LINGO2: variants seen among roughly 807,000 people sequenced by gnomAD.
The protein encoded by LINGO2 is leucine rich repeat and Ig domain containing 2, also known as leucine-rich repeat and immunoglobulin-like domain-containing nogo receptor-interacting protein 2.
A neutral mutation model predicts 30.6 loss-of-function variants in LINGO2; 14 were observed. The observed-to-expected ratio is 0.46, with a 90% CI of 0.30 to 0.72. The LOEUF (loss-of-function observed/expected upper bound fraction) is 0.72. Among genes scored for constraint, LINGO2 ranks in the 30% least tolerant of loss-of-function variants. The pLI is 0.07. For missense variants in LINGO2, 729 were observed against 751.7 expected (o/e 0.97, Z 0.35); for synonymous variants, 317 against 288.5 (o/e 1.10, Z -1.00).
At chr9:29,065,570 G>C in the LINGO2 span, among the ~76,000 whole-genome samples, 1 of 152,118 alleles carries the variant, frequency 6.6e-6, no homozygotes, top group South Asian at 2.1e-4. Context: ...TCAAAGATCA[G>C]ATAGTTGTAG....
chr9:28,605,305 T>C (rs1233074883), intron 1 of LINGO2, among the ~76,000 whole-genome samples: 2 of 151,962 alleles, frequency 1.3e-5, no homozygotes, highest in Non-Finnish European at 2.9e-5. Flanking sequence ...ACTAGAAATT[T>C]TAAATCACAT....
At chr9:28,947,465 C>T in the LINGO2 span, among the ~76,000 whole-genome samples, 1 of 151,940 alleles carries the variant, frequency 6.6e-6, no homozygotes, top group Admixed American at 6.6e-5. Flanking sequence ...CCTCTTAAGG[C>T]TGTTATGATA....
chr9:28,387,336 G>C (rs1039243865), intron 2 of LINGO2, among the ~76,000 whole-genome samples: 1 of 152,130 alleles, frequency 6.6e-6, no homozygotes, highest in Non-Finnish European at 1.5e-5. Flanking sequence ...GGCGCTCTGT[G>C]TCTAGCTAAA....
chr9:28,507,943 T>C (rs992400422), intron 1 of LINGO2, among the ~76,000 whole-genome samples: 4 of 152,086 alleles, frequency 2.6e-5, no homozygotes, highest in Admixed American at 1.3e-4. Context: ...GAAGGGTTCA[T>C]TGTAAAGCCA....
the LINGO2 span, among the ~76,000 whole-genome samples, chr9:28,874,420 C>T: frequency 6.0e-3 from 909 of 152,106 alleles, 6 homozygotes; most frequent in African/African-American, 0.021. Flanking sequence ...ATTTACCAAA[C>T]ATTTGTTAAC....
the LINGO2 span, among the ~76,000 whole-genome samples, chr9:28,781,069 T>C: frequency 6.6e-6 from 1 of 152,142 alleles, no homozygotes; most frequent in Non-Finnish European, 1.5e-5. Flanking sequence ...CAAGTAATCT[T>C]AGAAGCCTTG....
intron 5 of LINGO2, among the ~76,000 whole-genome samples, chr9:27,952,813 T>C (rs1819382354): frequency 6.6e-6 from 1 of 152,068 alleles, no homozygotes; most frequent in African/African-American, 2.4e-5. Flanking sequence ...AATAATTTTA[T>C]AATATTAGAG....
At chr9:28,783,375 A>T in the LINGO2 span, among the ~76,000 whole-genome samples, 5 of 152,150 alleles carry the variant, frequency 3.3e-5, no homozygotes, top group South Asian at 1.0e-3. Context: ...ATGCTGTGTA[A>T]ATAGTTGTTA....
At chr9:28,417,871 T>A (rs953901868) in intron 2 of LINGO2, among the ~76,000 whole-genome samples, 5 of 152,176 alleles carry the variant, frequency 3.3e-5, no homozygotes, top group Non-Finnish European at 5.9e-5. Context: ...GAAAAATATA[T>A]AGCAAAAGGT....
chr9:29,141,257 A>G, the LINGO2 span, among the ~76,000 whole-genome samples: 1 of 151,998 alleles, frequency 6.6e-6, no homozygotes, highest in South Asian at 2.1e-4. Flanking sequence ...CCCTATATAA[A>G]TATGTAATTT....
chr9:28,273,323 A>G lies in LINGO2; in HGVS notation c.-87+21885T>C, dbSNP rs1315891528. On this transcript the variant is annotated intron_variant, in intron 4 of 5. Coordinates refer to ENST00000379992, the Ensembl canonical transcript of LINGO2. ...TGGTTTTATGGCTGTAGTATCCACC[A>G]AATCCTGCCAATGGCAAAAGCAAAG... Among the ~76,000 whole-genome samples, 8 of 152,344 alleles carry G rather than the reference A, an allele frequency of 5.3e-5. No individual in the cohort carries two copies. In the East Asian group the frequency reaches 1.2e-3, roughly 22 times the overall value.
intron 4 of LINGO2, among the ~76,000 whole-genome samples, chr9:28,103,898 G>C (rs1475745813): frequency 6.6e-6 from 1 of 152,152 alleles, no homozygotes; most frequent in Non-Finnish European, 1.5e-5. Flanking sequence ...CAATGAGGAA[G>C]TAGGGTGAAC....
chr9:28,335,782 T>A (rs930442624), intron 3 of LINGO2, among the ~76,000 whole-genome samples: 4 of 152,178 alleles, frequency 2.6e-5, no homozygotes, highest in Non-Finnish European at 5.9e-5. Context: ...ATATGAATTA[T>A]TGGCTGAGTA....
the LINGO2 span, among the ~76,000 whole-genome samples, chr9:28,953,891 A>G: frequency 6.6e-6 from 1 of 152,118 alleles, no homozygotes; most frequent in African/African-American, 2.4e-5. Flanking sequence ...TGGATCCTTT[A>G]TCTATGACTG....
Position 28,037,117 on chromosome 9 carries a change from G to C in LINGO2, c.-86-24712C>G, listed in dbSNP as rs963284929. On this transcript the variant is annotated intron_variant, in intron 4 of 5. Coordinates refer to ENST00000379992, the Ensembl canonical transcript of LINGO2. ...CCGAGTTCAAGCAGTCAATTCAAGT[G>C]ATGTTAAAGTAGGAAAACGGAAGTA... Among the ~76,000 whole-genome samples, 26 of 152,210 alleles carry C rather than the reference G, an allele frequency of 1.7e-4. 1 individual carries two copies. The highest frequency in any genetic ancestry group is 4.6e-4 in the Admixed American group (7 of 15,284).
chr9:28,381,009 A>G (rs1821332674), intron 2 of LINGO2, among the ~76,000 whole-genome samples: 1 of 152,052 alleles, frequency 6.6e-6, no homozygotes, highest in African/African-American at 2.4e-5. Context: ...ACAGGGCCCA[A>G]AGGAACACAG....
chr9:28,599,917 G>A (rs951556301), intron 1 of LINGO2, among the ~76,000 whole-genome samples: 7 of 152,112 alleles, frequency 4.6e-5, no homozygotes, highest in African/African-American at 1.7e-4. Flanking sequence ...GGTATTTACT[G>A]TTTAGTGAAT....
rs111862210 is a variant in LINGO2, at chr9:28,109,025, C to G, written c.-86-96620G>C. Among the ~76,000 whole-genome samples, 711 of 152,262 alleles carry G rather than the reference C, an allele frequency of 4.7e-3. 10 individuals carry two copies. Among genetic ancestry groups the G allele is most frequent in the African/African-American group, 0.016 (645 of 41,546 alleles). The stretch of plus-strand genomic sequence containing the variant: ...AATACTGGCAAGCCAAATCCAGCAG[C>G]ACATCAAAAAGCTTATCCACCACGA... On this transcript the variant is annotated intron_variant, in intron 4 of 5. Coordinates refer to ENST00000379992, the Ensembl canonical transcript of LINGO2.
chr9:28,463,371 G>C (rs913468110), intron 2 of LINGO2, among the ~76,000 whole-genome samples: 1 of 151,652 alleles, frequency 6.6e-6, no homozygotes, highest in Non-Finnish European at 1.5e-5. Context: ...GCACCAAAAG[G>C]CCAAAAAATA....
Sources: gnomAD v4.1 joint callset for allele counts (sites outside exome capture counted in the v4.1 genomes callset) on GRCh38, gnomAD v4.1.1 for gene constraint, MANE v1.5 for transcripts, NCBI Gene and HGNC (gene_info 2026-07-23, HGNC 2026-07-21) for gene names.